MYRIP: variants seen among roughly 807,000 people sequenced by gnomAD.
The protein encoded by MYRIP is rab effector MyRIP.
MYRIP carries 49 observed loss-of-function variants against 98.0 expected under a neutral mutation model. The observed-to-expected ratio is 0.50, with a 90% CI of 0.40 to 0.63. The LOEUF (loss-of-function observed/expected upper bound fraction) is 0.63, where lower values mean the gene tolerates loss of function less well. Ranked by LOEUF, MYRIP falls within the 30% of genes least tolerant of loss-of-function variation. MYRIP has a pLI of 0.00. For missense variants in MYRIP, 1,004 were observed against 1,058.2 expected (o/e 0.95, Z 0.71); for synonymous variants, 404 against 409.5 (o/e 0.99, Z 0.16).
chr3:40,052,840 T>C (rs1204777886), intron 3 of MYRIP, among the ~76,000 whole-genome samples: 1 of 152,198 alleles, frequency 6.6e-6, no homozygotes, highest in Non-Finnish European at 1.5e-5. Context: ...TTTAAAATAA[T>C]GTACATGTTT....
chr3:40,225,644 G>T (rs139392885), intron 11 of MYRIP, among the ~76,000 whole-genome samples: 1 of 152,240 alleles, frequency 6.6e-6, no homozygotes, highest in East Asian at 1.9e-4. Flanking sequence ...CTCTAAAGAT[G>T]GGATTAAAAT....
At chr3:39,864,407 C>A (rs1942561896) in intron 1 of MYRIP, among the ~76,000 whole-genome samples, 2 of 152,166 alleles carry the variant, frequency 1.3e-5, no homozygotes, top group African/African-American at 4.8e-5. Flanking sequence ...CCAATAGTCT[C>A]TGCCCAAAAG....
At chr3:39,824,109 A>G (rs1575275568) in intron 1 of MYRIP, among the ~76,000 whole-genome samples, 2 of 152,290 alleles carry the variant, frequency 1.3e-5, no homozygotes, top group South Asian at 2.1e-4. Context: ...TTAAGAGATT[A>G]TCCTTTCCTC....
At chr3:39,872,377 T>C (rs1942823365) in intron 1 of MYRIP, among the ~76,000 whole-genome samples, 1 of 152,074 alleles carries the variant, frequency 6.6e-6, no homozygotes, top group Non-Finnish European at 1.5e-5. Flanking sequence ...AGGGTACATG[T>C]GCACAATGTG....
rs917320873 is a variant in MYRIP, at chr3:39,993,000, G to C, written c.111-51050G>C. Among the ~76,000 whole-genome samples, 3 of 152,240 alleles carry C rather than the reference G, an allele frequency of 2.0e-5. No individual in the cohort carries two copies. The South Asian group carries it at 6.2e-4, about 32-fold the overall frequency. ...AGGATATTTGTTTCTTTGTGTCTCA[G>C]ACCATTTTGTGCTGATATAACAGAA... On this transcript the variant is annotated intron_variant, in intron 2 of 16. Transcript: ENST00000302541.
At chr3:40,041,022 G>GAAAAAAAA in intron 2 of MYRIP, among the ~76,000 whole-genome samples, 1 of 41,208 alleles carries the variant, frequency 2.4e-5, no homozygotes, top group African/African-American at 8.8e-5. Flanking sequence ...ATTACCAGCA[G>GAAAAAAAA]AAAAAAAAAA....
At chr3:39,946,756 G>A (rs1944912966) in intron 2 of MYRIP, among the ~76,000 whole-genome samples, 1 of 152,282 alleles carries the variant, frequency 6.6e-6, no homozygotes, top group African/African-American at 2.4e-5. Context: ...ATGAGAGCCT[G>A]AGCAGACGAT....
At chr3:40,216,796 A>AT (rs998683253) in intron 11 of MYRIP, among the ~76,000 whole-genome samples, 5 of 152,058 alleles carry the variant, frequency 3.3e-5, no homozygotes, top group Non-Finnish European at 2.9e-5. Context: ...GAATCCCTGG[A>AT]TTTTTTTTCT....
At chr3:39,949,445 A>T (rs1944963701) in intron 2 of MYRIP, among the ~76,000 whole-genome samples, 1 of 152,128 alleles carries the variant, frequency 6.6e-6, no homozygotes, top group Admixed American at 6.6e-5. Context: ...TTTCATCTGT[A>T]TCATGGTAAT....
intron 2 of MYRIP, among the ~76,000 whole-genome samples, chr3:40,004,566 G>C (rs561897748): frequency 1.3e-5 from 2 of 152,222 alleles, no homozygotes; most frequent in African/African-American, 4.8e-5. Context: ...CTGAGATTTT[G>C]GTGCACCTGT....
chr3:39,820,398 C>T (rs200578541), intron 1 of MYRIP, among the ~76,000 whole-genome samples: 1 of 80,908 alleles, frequency 1.2e-5, no homozygotes, highest in Non-Finnish European at 2.5e-5. Flanking sequence ...TTGTTTGTTT[C>T]CTGAAGAGAT....
intron 2 of MYRIP, among the ~76,000 whole-genome samples, chr3:39,938,269 G>A (rs72870024): frequency 0.014 from 2,145 of 151,986 alleles, 72 homozygotes; most frequent in African/African-American, 0.048. Flanking sequence ...ATCCTCTTTC[G>A]AGTCTGGTTT....
At position 40,102,021 on chromosome 3, in the gene MYRIP, A is replaced by C. The variant is rs9851804; in HGVS notation, c.333-49027A>C. Among the ~76,000 whole-genome samples the C allele has an allele frequency of 7.2e-3, 1,092 of 152,250 alleles. 18 individuals are homozygous for C. Among genetic ancestry groups the C allele is most frequent in the African/African-American group, 0.025 (1,033 of 41,534 alleles). The stretch of plus-strand genomic sequence containing the variant: ...TAGGTCTTTTTCTTTAGAGTCGGTC[A>C]GTTTCTCAGAAAGGAATGCTCCAGT... On this transcript the variant is annotated intron_variant, in intron 3 of 16. Transcript: ENST00000302541.
At chr3:39,920,225 A>C (rs1001506746) in intron 2 of MYRIP, among the ~76,000 whole-genome samples, 1 of 152,008 alleles carries the variant, frequency 6.6e-6, no homozygotes, top group African/African-American at 2.4e-5. Context: ...GATCTAGTCC[A>C]TGAATTCCAT....
At chr3:39,944,333 G>T (rs1208021032) in intron 2 of MYRIP, among the ~76,000 whole-genome samples, 18 of 151,956 alleles carry the variant, frequency 1.2e-4, no homozygotes, top group Non-Finnish European at 2.9e-5. Context: ...ACATACTATG[G>T]TATATCCAGA....
chr3:39,813,922 C>CT lies in MYRIP; in HGVS notation c.-31+4013dup, dbSNP rs199696087. 8.8e-3 allele frequency among the ~76,000 whole-genome samples: 1,337 copies of CT among 152,006 alleles called. 16 individuals are homozygous for CT. Among genetic ancestry groups the CT allele is most frequent in the Middle Eastern group, 0.021 (6 of 290 alleles). On this transcript the variant is annotated intron_variant, in intron 1 of 16. Transcript: ENST00000302541. ...TATTTTTGTGATTTTTTTCACCTAA[C>CT]TTTTTTTACATGTGTTGATAACATA... is the stretch of plus-strand genomic sequence containing the variant.
At chr3:40,142,047 ATTTTTTTTTTTT>A (rs768094065) in intron 3 of MYRIP, among the ~76,000 whole-genome samples, 1 of 95,950 alleles carries the variant, frequency 1.0e-5, no homozygotes, top group East Asian at 3.4e-4. Context: ...TATGCTGTTG[ATTTTTTTTTTTT>A]TTTTTTTTTT....
In MYRIP at chr3:40,155,764, G is replaced by A. The variant is rs1019007728; in HGVS notation, c.469+4580G>A. Among the ~76,000 whole-genome samples the A allele has an allele frequency of 3.9e-5, 6 of 152,150 alleles. 1 individual carries two copies. The highest frequency in any genetic ancestry group is 1.4e-4 in the African/African-American group (6 of 41,428). On this transcript the variant is annotated intron_variant, in intron 4 of 16. Transcript: ENST00000302541. ...CCAGTGATGGCGAGCATTTTTTCAT[G>A]TGTTTTTTGGCTGCATAAATGTCTT... is the stretch of plus-strand genomic sequence containing the variant.
chr3:40,207,118 C>G (rs1951809238), intron 10 of MYRIP, among the ~76,000 whole-genome samples: 1 of 152,146 alleles, frequency 6.6e-6, no homozygotes, highest in South Asian at 2.1e-4. Context: ...AAGTCCTATT[C>G]CTTAGACTGG....
Sources: allele counts gnomAD v4.1 joint callset (sites outside exome capture counted in the v4.1 genomes callset), GRCh38; gene constraint gnomAD v4.1.1; transcripts MANE v1.5; gene names NCBI Gene and HGNC (gene_info 2026-07-23, HGNC 2026-07-21).